Variants in MSH3 observed in about 807,000 individuals in gnomAD.
MSH3 encodes the protein mutS homolog 3.
A neutral mutation model predicts 123.3 loss-of-function variants in MSH3; 106 were observed. The ratio of observed to expected loss-of-function variants is 0.86; its 90% CI spans 0.73 to 1.01. MSH3 has a LOEUF of 1.01. Among genes scored for constraint, MSH3 ranks in the 50% least tolerant of loss-of-function variants. MSH3 has a pLI of 0.00. For synonymous variants in MSH3, 515 were observed against 481.4 expected (o/e 1.07, Z -0.91); for missense variants, 1,459 against 1,347.6 (o/e 1.08, Z -1.29).
At chr5:80,816,509 T>G (rs940750773) in intron 20 of MSH3, among the ~76,000 whole-genome samples, 5 of 152,210 alleles carry the variant, frequency 3.3e-5, no homozygotes, top group African/African-American at 9.7e-5. Context: ...TTTAGGAGTT[T>G]ATCCTAAGAG....
intron 13 of MSH3, among the ~76,000 whole-genome samples, chr5:80,764,117 T>G (rs1343274311): frequency 1.3e-5 from 2 of 152,252 alleles, no homozygotes; most frequent in African/African-American, 4.8e-5. Flanking sequence ...CAAACATATG[T>G]CTGTTCTTTA....
chr5:80,791,890 G>C (rs1744612871), intron 18 of MSH3, among the ~76,000 whole-genome samples: 1 of 152,162 alleles, frequency 6.6e-6, no homozygotes, highest in Non-Finnish European at 1.5e-5. Flanking sequence ...GGGAAGGAGA[G>C]CTGAGAGTAG....
intron 10 of MSH3, among the ~76,000 whole-genome samples, chr5:80,730,815 G>A (rs552539773): frequency 6.7e-6 from 1 of 150,294 alleles, no homozygotes; most frequent in Admixed American, 6.6e-5. Flanking sequence ...AACTAACTTA[G>A]AAATCAGGCC....
At chr5:80,660,310 G>A (rs1650688) in intron 2 of MSH3, among the ~76,000 whole-genome samples, 39,881 of 151,756 alleles carry the variant, frequency 0.26, 5,436 homozygotes, top group Middle Eastern at 0.33. Context: ...GGAAAGGTGG[G>A]AACCCCTGAT....
Position 80,864,920 on chromosome 5 carries a change from G to C in MSH3, c.3108G>C (p.Glu1036Asp), listed in dbSNP as rs1478748983. Reference protein sequence around the residue: ...GNYHMGFLVSEDESKLDPGAA... With the variant: ...GNYHMGFLVSDDESKLDPGAA... ...ACCACATGGGATTCTTGGTCAGTGAGGATGAAAGCAAACTGGATCCAGGTA... is the reference window on the plus strand; with the variant it reads ...ACCACATGGGATTCTTGGTCAGTGACGATGAAAGCAAACTGGATCCAGGTA... Residue 1036 changes from glutamate to aspartate, a missense_variant, in exon 22 of 24, where the codon GAG (glutamate) becomes GAC (aspartate). Physicochemically the swap from Glu to Asp is conservative, Grantham distance 45. Transcript: ENST00000265081. The C allele has an allele frequency of 6.2e-7, 1 of 1,613,830 alleles. No individual in the cohort carries two copies. The highest frequency in any genetic ancestry group is 1.7e-5 in the Admixed American group (1 of 60,002).
chr5:80,823,756 C>T (rs1745240658), intron 20 of MSH3, among the ~76,000 whole-genome samples: 1 of 151,978 alleles, frequency 6.6e-6, no homozygotes, highest in South Asian at 2.1e-4. Flanking sequence ...GGGGATTTGG[C>T]AGGGTCATAG....
chr5:80,734,485 ACTTAT>A (rs1206989658), intron 10 of MSH3, among the ~76,000 whole-genome samples: 1 of 152,234 alleles, frequency 6.6e-6, no homozygotes, highest in Non-Finnish European at 1.5e-5. Flanking sequence ...ACACATACAC[ACTTAT>A]CTTTTAAATG....
intron 19 of MSH3, among the ~76,000 whole-genome samples, chr5:80,796,078 A>T (rs1488306331): frequency 6.6e-6 from 1 of 152,156 alleles, no homozygotes; most frequent in East Asian, 1.9e-4. Flanking sequence ...AAGTAATATA[A>T]GTTAAATATA....
intron 20 of MSH3, among the ~76,000 whole-genome samples, chr5:80,853,734 A>T (rs1179781903): frequency 6.6e-6 from 1 of 152,184 alleles, no homozygotes; most frequent in African/African-American, 2.4e-5. Context: ...TCTTAAGGAA[A>T]CACTGAAAAA....
rs2112812178 is a variant in MSH3, at chr5:80,670,136, A to G, written c.619A>G (p.Asn207Asp). Residue 207 changes from asparagine to aspartate, a missense_variant, in exon 4 of 24, where the codon AAT becomes GAT. Transcript: ENST00000265081. ...LFDLSQFGSS[N>D]TSHENLQKTA... ...TGATCTCAGTCAGTTTGGATCATCAAATACAAGTCATGAAAATTTACAGAA... is the reference window on the plus strand; with the variant it reads ...TGATCTCAGTCAGTTTGGATCATCAGATACAAGTCATGAAAATTTACAGAA... 1 of 1,614,160 alleles carries G rather than the reference A, an allele frequency of 6.2e-7. No homozygotes were observed. Among genetic ancestry groups the G allele is most frequent in the Non-Finnish European group, 8.5e-7 (1 of 1,180,014 alleles).
intron 10 of MSH3, among the ~76,000 whole-genome samples, chr5:80,736,655 C>G (rs895864913): frequency 6.6e-6 from 1 of 152,138 alleles, no homozygotes; most frequent in African/African-American, 2.4e-5. Context: ...TGCTGATCAC[C>G]TACCTTCTTG....
At chr5:80,802,997 C>T (rs1334841812) in intron 19 of MSH3, among the ~76,000 whole-genome samples, 1 of 152,060 alleles carries the variant, frequency 6.6e-6, no homozygotes, top group Non-Finnish European at 1.5e-5. Context: ...AGTTTGCTTC[C>T]AGATCTTGGC....
rs1469762425 is a variant in MSH3 at position 80,672,800 on chromosome 5, T to G, written c.969T>G (p.Ser323Arg). 1.2e-6 allele frequency: 2 copies of G among 1,614,140 alleles called. No homozygotes were observed. Among genetic ancestry groups the G allele is most frequent in the South Asian group, 2.2e-5 (2 of 91,078 alleles). The change falls in exon 6 of 24, where the codon AGT (serine) becomes AGG (arginine). Residue 323 changes from serine (S) to arginine (R), a missense_variant. Coordinates refer to ENST00000265081, the MANE Select transcript of MSH3 (RefSeq NM_002439.5). ...AALKAIGDNR[S>R]SLFSRKLTAL... is the part of the protein sequence containing the mutation. ...TAAAGGCCATTGGAGACAACAGAAG[T>G]TCACTCTTTTCCCGGAAATTGACTG... is the stretch of plus-strand genomic sequence containing the variant.
chr5:80,761,547 G>T lies in MSH3; in HGVS notation c.1765G>T (p.Glu589Ter), dbSNP rs766156923. Residue 589 changes from glutamate (E) to a stop codon, truncating the protein, a stop_gained and splice_region_variant, in exon 13 of 24, where the codon GAA (glutamate) becomes TAA (stop). Coordinates refer to ENST00000265081, the MANE Select transcript of MSH3 (RefSeq NM_002439.5). LOFTEE classifies it high-confidence loss of function. ...ATTGCTATTACTCTTTTCTCACAGGGAAATAAATGCCCGGCTTGATGCTGT... is the reference window on the plus strand; with the variant it reads ...ATTGCTATTACTCTTTTCTCACAGGTAAATAAATGCCCGGCTTGATGCTGT... ...WVTQPLLKLREINARLDAVSE... is the reference protein window; with the variant it reads ...WVTQPLLKLR 1.2e-6 allele frequency: 2 copies of T among 1,614,062 alleles called. No individual in the cohort carries two copies. The highest frequency in any genetic ancestry group is 2.2e-5 in the South Asian group (2 of 91,076).
chr5:80,741,607 AG>A, intron 11 of MSH3, 59 bp downstream of exon 11: 1 of 1,192,476 alleles, frequency 8.4e-7, no homozygotes, highest in Non-Finnish European at 1.3e-6. Context: ...CTTCTGAGTA[AG>A]GCAGCAGTCT....
At chr5:80,750,482 A>ATG (rs1743813475) in intron 12 of MSH3, among the ~76,000 whole-genome samples, 1 of 152,058 alleles carries the variant, frequency 6.6e-6, no homozygotes, top group Non-Finnish European at 1.5e-5. Flanking sequence ...CTGATTAGAG[A>ATG]TGTTGAGCAT....
At chr5:80,870,584 G>C (rs1360293359) in intron 22 of MSH3, among the ~76,000 whole-genome samples, 1 of 152,032 alleles carries the variant, frequency 6.6e-6, no homozygotes, top group African/African-American at 2.4e-5. Context: ...CTTTCATTTG[G>C]GGGCAAAAGG....
chr5:80,815,425 G>C (rs1480797061), intron 20 of MSH3, among the ~76,000 whole-genome samples: 1 of 152,094 alleles, frequency 6.6e-6, no homozygotes, highest in East Asian at 1.9e-4. Context: ...AAGGGGATTT[G>C]CCTGGAAGGA....
chr5:80,706,950 A>G lies in MSH3; in HGVS notation c.1341-18503A>G, dbSNP rs112449600. On this transcript the variant is annotated intron_variant, in intron 8 of 23. Coordinates refer to ENST00000265081, the MANE Select transcript of MSH3 (RefSeq NM_002439.5). ...TCAATTTTGACAGATACACACATCA[A>G]TATAACTACCACCCAAATTAAGATC... is the stretch of plus-strand genomic sequence containing the variant. 3.5e-3 allele frequency among the ~76,000 whole-genome samples: 535 copies of G among 152,344 alleles called. 2 individuals are homozygous for G. The highest frequency in any genetic ancestry group is 0.012 in the African/African-American group (512 of 41,582).
Sources: gnomAD v4.1 joint callset for allele counts (sites outside exome capture counted in the v4.1 genomes callset) on GRCh38, gnomAD v4.1.1 for gene constraint, MANE v1.5 for transcripts, NCBI Gene and HGNC (gene_info 2026-07-23, HGNC 2026-07-21) for gene names.